The following ZSCAN5B variants were observed in gnomAD, a reference collection of about 807,000 sequenced individuals.
ZSCAN5B encodes zinc finger and SCAN domain containing 5B, also known as zinc finger and SCAN domain-containing protein 5B.
In ZSCAN5B, 26 loss-of-function variants were observed where a neutral mutation model predicts 25.2. The observed-to-expected ratio is 1.03, with a 90% CI of 0.76 to 1.43. The LOEUF (loss-of-function observed/expected upper bound fraction) is 1.43, where lower values mean the gene tolerates loss of function less well. ZSCAN5B is among the 40% of genes most tolerant of loss of function. The pLI, the probability that ZSCAN5B is intolerant of heterozygous loss-of-function variation, is 0.00. For synonymous variants in ZSCAN5B, 244 were observed against 240.9 expected, an observed-to-expected ratio of 1.01 and a Z score of -0.12; for missense variants, 745 against 622.1, an observed-to-expected ratio of 1.20 and a Z score of -2.10.
rs143698848 is a variant in ZSCAN5B, at chr19:56,196,877, C to T, written c.-128+857G>A. On this transcript the variant is annotated intron_variant, in intron 1 of 4. Transcript: ENST00000586855. ...GTTTTCCCGCCAGGTTCCCTAAGCGCCCCTGCTCAGAAAGCGGAGATCGAG... is the reference window on the plus strand; with the variant it reads ...GTTTTCCCGCCAGGTTCCCTAAGCGTCCCTGCTCAGAAAGCGGAGATCGAG... Among the ~76,000 whole-genome samples the T allele has an allele frequency of 9.9e-3, 1,510 of 152,308 alleles. 10 individuals carry two copies. The highest frequency in any genetic ancestry group is 0.016 in the Non-Finnish European group (1,066 of 68,026).
chr19:56,190,107 C>T (rs536136249), exon 5 of ZSCAN5B: 72 of 1,613,980 alleles, frequency 4.5e-5, no homozygotes, highest in African/African-American at 3.7e-4. Context: ...AGTGTGGACT[C>T]GCTGGTGAAC....
exon 1 of ZSCAN5B, chr19:56,197,740 C>G (rs2032828710): frequency 1.0e-6 from 1 of 985,406 alleles, no homozygotes; most frequent in Non-Finnish European, 1.2e-6. Context: ...TCACCTCCTT[C>G]CCGGCTTCTG....
intron 1 of ZSCAN5B, among the ~76,000 whole-genome samples, chr19:56,195,500 C>G (rs3103608): frequency 1.3e-5 from 2 of 151,016 alleles, no homozygotes. Context: ...GGTGAGGATT[C>G]GGGGGAAAGG....
chr19:56,196,982 A>G (rs189061961), intron 1 of ZSCAN5B, among the ~76,000 whole-genome samples: 110 of 152,164 alleles, frequency 7.2e-4, no homozygotes, highest in African/African-American at 2.6e-3. Flanking sequence ...TCTATAGTAA[A>G]TAAAAAAATG....
At chr19:56,197,326 C>T (rs2032823274) in intron 1 of ZSCAN5B, among the ~76,000 whole-genome samples, 1 of 151,858 alleles carries the variant, frequency 6.6e-6, no homozygotes, top group African/African-American at 2.4e-5. Context: ...TAACCTCTGC[C>T]TCCTGGGTTC....
exon 3 of ZSCAN5B, chr19:56,191,936 A>G: frequency 6.2e-7 from 1 of 1,614,030 alleles, no homozygotes; most frequent in Non-Finnish European, 8.5e-7. Context: ...TGGTTCACAG[A>G]GGAGGCCCAC....
In ZSCAN5B at chr19:56,190,745, C is replaced by T. The variant is rs377017033; in HGVS notation, c.739+92G>A. ...TGGAGGAGAGATTTTGGCAGCTGATCGCCAGCCCCAGGGGATGATAATGCT... is the reference window on the plus strand; with the variant it reads ...TGGAGGAGAGATTTTGGCAGCTGATTGCCAGCCCCAGGGGATGATAATGCT... On this transcript the variant is annotated intron_variant, in intron 4 of 4. Transcript: ENST00000586855. 63 of 1,546,934 alleles carry T rather than the reference C, an allele frequency of 4.1e-5. No individual in the cohort carries two copies. In the East Asian group the frequency reaches 7.6e-4, roughly 19 times the overall value.
At chr19:56,191,754 T>C in intron 3 of ZSCAN5B, 96 bp downstream of exon 3, 2 of 1,284,954 alleles carry the variant, frequency 1.6e-6, no homozygotes, top group Middle Eastern at 5.1e-4. Context: ...TCTAATCTTG[T>C]CCTGTGCCAA....
At chr19:56,195,250 A>C (rs7247243) in intron 1 of ZSCAN5B, among the ~76,000 whole-genome samples, 1 of 151,380 alleles carries the variant, frequency 6.6e-6, no homozygotes, top group Admixed American at 6.6e-5. Context: ...CACATCTCAC[A>C]GGGCTCCTGT....
intron 1 of ZSCAN5B, 81 bp from the exon 2 acceptor site, chr19:56,193,260 C>A (rs1286506868): frequency 1.8e-6 from 1 of 570,334 alleles, no homozygotes; most frequent in Non-Finnish European, 3.0e-6. Context: ...CATCCCAATC[C>A]TGGACCCCAC....
intron 1 of ZSCAN5B, among the ~76,000 whole-genome samples, chr19:56,193,509 G>A (rs1035615203): frequency 2.0e-5 from 3 of 152,172 alleles, no homozygotes; most frequent in Admixed American, 6.5e-5. Context: ...AGTTCTTTAT[G>A]TTTTCCCGTC....
exon 5 of ZSCAN5B, chr19:56,190,466 G>A (rs1413177836): frequency 7.4e-6 from 12 of 1,614,080 alleles, no homozygotes; most frequent in Admixed American, 1.7e-5. Flanking sequence ...TGTTCCCGCT[G>A]TGAGTCAAAG....
At position 56,190,121 on chromosome 19, in the gene ZSCAN5B, G is replaced by C. The variant is rs370425792; in HGVS notation, c.1194C>G (p.Leu398=). 122 of 1,613,920 alleles carry C rather than the reference G, an allele frequency of 7.6e-5. 1 individual carries two copies. Among genetic ancestry groups the C allele is most frequent in the Non-Finnish European group, 1.7e-5 (20 of 1,179,928 alleles). The change falls in exon 5 of 5, where the codon CTC becomes CTG. Residue 398 remains leucine (L), a synonymous_variant. Coordinates refer to ENST00000586855, the Ensembl canonical transcript of ZSCAN5B. ...CAGTGTGGACTCGCTGGTGAACTCG[G>C]AGGTCTGAGGGCTGCAAGAAGCGCT...
At chr19:56,193,584 A>G (rs1199978365) in intron 1 of ZSCAN5B, among the ~76,000 whole-genome samples, 2 of 152,244 alleles carry the variant, frequency 1.3e-5, no homozygotes, top group Non-Finnish European at 2.9e-5. Context: ...AAATATTAAT[A>G]GTTACAACCT....
At chr19:56,190,191 C>A (rs2032708143) in exon 5 of ZSCAN5B, 4 of 1,614,062 alleles carry the variant, frequency 2.5e-6, no homozygotes, top group Non-Finnish European at 3.4e-6. Context: ...TGTGTGTGAC[C>A]TCCTGTGGAT....
exon 3 of ZSCAN5B, chr19:56,191,985 G>C (rs755499597): frequency 6.2e-7 from 1 of 1,613,910 alleles, no homozygotes; most frequent in Non-Finnish European, 8.5e-7. Flanking sequence ...TGACACTGGC[G>C]GGGGCTTCAG....
exon 2 of ZSCAN5B, chr19:56,192,937 T>C (rs767503640): frequency 6.2e-7 from 1 of 1,613,852 alleles, no homozygotes; most frequent in East Asian, 2.2e-5. Flanking sequence ...AGTCTCAGGG[T>C]TCCTGTCGTG....
chr19:56,190,958 A>G (rs764245968), exon 4 of ZSCAN5B: 3 of 1,614,012 alleles, frequency 1.9e-6, no homozygotes, highest in Non-Finnish European at 2.5e-6. Flanking sequence ...CTGTTACGTC[A>G]ATACTCTTGT....
chr19:56,194,855 G>A (rs11084429), intron 1 of ZSCAN5B, among the ~76,000 whole-genome samples: 40,821 of 152,048 alleles, frequency 0.27, 5,770 homozygotes, highest in Non-Finnish European at 0.32. Context: ...GACATGCCTC[G>A]GCCTCCCAAA....
Sources: gnomAD v4.1 joint callset for allele counts (sites outside exome capture counted in the v4.1 genomes callset) on GRCh38, gnomAD v4.1.1 for gene constraint, MANE v1.5 for transcripts, NCBI Gene and HGNC (gene_info 2026-07-23, HGNC 2026-07-21) for gene names.